Variants in ERC1 observed in about 807,000 individuals in gnomAD.
The protein encoded by ERC1 is ELKS/RAB6-interacting/CAST family member 1.
A neutral mutation model predicts 132.0 loss-of-function variants in ERC1; 56 were observed. The observed-to-expected ratio is 0.42, with a 90% CI of 0.34 to 0.53. ERC1 has a LOEUF of 0.53. Ranked by LOEUF, ERC1 falls within the 20% of genes least tolerant of loss-of-function variation. The pLI, the probability that ERC1 is intolerant of heterozygous loss-of-function variation, is 0.03. For missense variants in ERC1, 1,202 were observed against 1,349.9 expected, an observed-to-expected ratio of 0.89 and a Z score of 1.72; for synonymous variants, 478 against 476.1, an observed-to-expected ratio of 1.00 and a Z score of -0.05.
At position 1,243,910 on chromosome 12, in the gene ERC1, C is replaced by T. The variant is rs376103048; in HGVS notation, c.2487+7006C>T. Among the ~76,000 whole-genome samples, 5 of 152,154 alleles carry T rather than the reference C, an allele frequency of 3.3e-5. No individual in the cohort carries two copies. The South Asian group carries it at 1.0e-3, about 32-fold the overall frequency. On this transcript the variant is annotated intron_variant, in intron 13 of 18. Coordinates refer to ENST00000360905, the MANE Select transcript of ERC1 (RefSeq NM_178040.4). ...CATGAATAGCTTTGGAAACCTAATA[C>T]GTATGGCCATATTTATATTTTTTTC...
At chr12:1,275,556 G>T (rs921185701) in intron 14 of ERC1, among the ~76,000 whole-genome samples, 1 of 152,296 alleles carries the variant, frequency 6.6e-6, no homozygotes, top group African/African-American at 2.4e-5. Context: ...GACATGTAGG[G>T]TGATGGCAAA....
At chr12:1,202,486 G>T (rs1361597946) in intron 12 of ERC1, among the ~76,000 whole-genome samples, 3 of 151,930 alleles carry the variant, frequency 2.0e-5, no homozygotes, top group Non-Finnish European at 4.4e-5. Flanking sequence ...GCGAAACCTC[G>T]TCTCTACAAA....
chr12:1,360,228 A>G (rs2085956891), intron 15 of ERC1, among the ~76,000 whole-genome samples: 1 of 152,276 alleles, frequency 6.6e-6, no homozygotes, highest in African/African-American at 2.4e-5. Context: ...AAAAGTAAAG[A>G]AGCTTAGAAT....
At chr12:1,440,295 C>T (rs1293875401) in intron 17 of ERC1, among the ~76,000 whole-genome samples, 1 of 146,744 alleles carries the variant, frequency 6.8e-6, no homozygotes, top group Non-Finnish European at 1.5e-5. Flanking sequence ...AGCTCCGCCT[C>T]CTGGGTTCAC....
intron 15 of ERC1, among the ~76,000 whole-genome samples, chr12:1,319,920 C>T (rs1034069584): frequency 6.6e-6 from 1 of 151,854 alleles, no homozygotes; most frequent in Admixed American, 6.6e-5. Context: ...TGCAGGGGGG[C>T]GGCTTCTTAT....
At chr12:1,153,333 G>A (rs1951007162) in intron 8 of ERC1, among the ~76,000 whole-genome samples, 1 of 152,226 alleles carries the variant, frequency 6.6e-6, no homozygotes, top group South Asian at 2.1e-4. Context: ...GGTTATCACA[G>A]CACTGTGGGC....
At chr12:1,006,762 G>A (rs955612729) in intron 1 of ERC1, among the ~76,000 whole-genome samples, 2 of 151,868 alleles carry the variant, frequency 1.3e-5, no homozygotes, top group African/African-American at 4.8e-5. Context: ...GGCCTCAAGT[G>A]ATCTTCTGTC....
intron 1 of ERC1, among the ~76,000 whole-genome samples, chr12:1,022,206 T>C (rs1966490815): frequency 6.6e-6 from 1 of 152,156 alleles, no homozygotes; most frequent in Non-Finnish European, 1.5e-5. Context: ...CACAGGCTAT[T>C]GTGCCTGGCC....
chr12:1,387,426 CATT>C (rs1044279475), intron 16 of ERC1, among the ~76,000 whole-genome samples: 1 of 152,136 alleles, frequency 6.6e-6, no homozygotes, highest in Non-Finnish European at 1.5e-5. Flanking sequence ...CCCCAAAAAA[CATT>C]ATGTCCACGT....
In ERC1 at chr12:1,444,587, A is replaced by G. The variant is rs1471858846; in HGVS notation, c.3050A>G (p.Asp1017Gly). Residue 1017 changes from aspartate to glycine, a missense_variant, in exon 18 of 19, where the codon GAC becomes GGC. Transcript: ENST00000360905. ...DQIIQPLLELDQNRSKLKLYI... is the reference protein window; with the variant it reads ...DQIIQPLLELGQNRSKLKLYI... ...ATCATCCAGCCCCTCTTAGAACTTG[A>G]CCAAAATAGAAGTAAATTAAAGTTG... 5.0e-6 allele frequency: 8 copies of G among 1,612,400 alleles called. No homozygotes were observed. The African/African-American group carries it at 8.0e-5, about 16-fold the overall frequency.
chr12:1,061,023 G>A (rs1937754509), intron 2 of ERC1, among the ~76,000 whole-genome samples: 1 of 152,070 alleles, frequency 6.6e-6, no homozygotes, highest in African/African-American at 2.4e-5. Context: ...CACCACGCCT[G>A]GCCACATGTG....
intron 18 of ERC1, among the ~76,000 whole-genome samples, chr12:1,452,724 A>G (rs1024544788): frequency 1.2e-4 from 19 of 152,178 alleles, no homozygotes; most frequent in African/African-American, 4.6e-4. Context: ...TGTGTGTGTC[A>G]TAATTTTTTA....
At chr12:1,022,992 G>A (rs541070983) in intron 1 of ERC1, among the ~76,000 whole-genome samples, 35 of 152,294 alleles carry the variant, frequency 2.3e-4, no homozygotes, top group Admixed American at 2.1e-3. Context: ...GAAGAAGGAT[G>A]TGTTTGCTTC....
intron 14 of ERC1, among the ~76,000 whole-genome samples, chr12:1,264,127 G>A (rs903831944): frequency 6.6e-6 from 1 of 152,222 alleles, no homozygotes; most frequent in African/African-American, 2.4e-5. Context: ...GAGTATGAAG[G>A]ACATAGAAAC....
intron 18 of ERC1, among the ~76,000 whole-genome samples, chr12:1,463,359 T>G (rs898303947): frequency 6.6e-6 from 1 of 152,080 alleles, no homozygotes; most frequent in Non-Finnish European, 1.5e-5. Context: ...AGTAGCCAAA[T>G]GGATGTAGCT....
rs777551110 is a variant in ERC1 at position 1,112,239 on chromosome 12, A to C, written c.1342A>C (p.Ser448Arg). Residue 448 changes from serine to arginine, a missense_variant, in exon 6 of 19, where the codon AGT becomes CGT. Ser to Arg is a moderately radical substitution (Grantham distance 110, BLOSUM62 -1). Coordinates refer to ENST00000360905, the MANE Select transcript of ERC1 (RefSeq NM_178040.4). ...GGTAGAACAACTGAAGGAGGAACTAAGTTCGAAAGAGGCTCAATGGGAGGA... is the reference window on the plus strand; with the variant it reads ...GGTAGAACAACTGAAGGAGGAACTACGTTCGAAAGAGGCTCAATGGGAGGA... ...NKVEQLKEEL[S>R]SKEAQWEELK... is the part of the protein sequence containing the mutation. The C allele has an allele frequency of 4.3e-6, 7 of 1,612,288 alleles. No homozygotes were observed. The highest frequency in any genetic ancestry group is 5.9e-6 in the Non-Finnish European group (7 of 1,178,704).
intron 2 of ERC1, among the ~76,000 whole-genome samples, chr12:1,050,463 C>T (rs1450722011): frequency 1.3e-5 from 2 of 152,154 alleles, no homozygotes; most frequent in Non-Finnish European, 1.5e-5. Context: ...CACCTGTGAG[C>T]ACTTGTTAAA....
chr12:1,342,382 G>A (rs12320897), intron 15 of ERC1, among the ~76,000 whole-genome samples: 3,174 of 151,020 alleles, frequency 0.021, 112 homozygotes, highest in African/African-American at 0.072. Flanking sequence ...CAGGAGAATC[G>A]CTTGAACCTG....
intron 12 of ERC1, among the ~76,000 whole-genome samples, chr12:1,225,468 A>G (rs1348052577): frequency 2.0e-5 from 3 of 151,640 alleles, no homozygotes. Context: ...ACACACACAC[A>G]CACACACACA....
Sources: gnomAD v4.1 joint callset for allele counts (sites outside exome capture counted in the v4.1 genomes callset) on GRCh38, gnomAD v4.1.1 for gene constraint, MANE v1.5 for transcripts, NCBI Gene and HGNC (gene_info 2026-07-23, HGNC 2026-07-21) for gene names.